Variants in USP34 observed in about 807,000 individuals in gnomAD.
The protein encoded by USP34 is ubiquitin specific peptidase 34.
A neutral mutation model predicts 460.3 loss-of-function variants in USP34; 70 were observed. That is an observed-to-expected ratio of 0.15 (90% CI 0.13 to 0.19). The LOEUF is 0.19. Among genes scored for constraint, USP34 ranks in the 10% least tolerant of loss-of-function variants. USP34 has a pLI of 1.00. For synonymous variants in USP34, 1,647 were observed against 1,405.3 expected, an observed-to-expected ratio of 1.17 and a Z score of -3.85; for missense variants, 3,985 against 4,236.2, an observed-to-expected ratio of 0.94 and a Z score of 1.65.
intron 15 of USP34, among the ~76,000 whole-genome samples, chr2:61,346,864 C>T (rs1691786108): frequency 1.4e-5 from 2 of 143,068 alleles, no homozygotes; most frequent in Non-Finnish European, 3.0e-5. Context: ...AAGGCCGGGC[C>T]TGGTGGCTCA....
At chr2:61,343,716 A>T in intron 16 of USP34, 99 bp downstream of exon 16, 1 of 1,264,908 alleles carries the variant, frequency 7.9e-7, no homozygotes, top group Non-Finnish European at 1.1e-6. Flanking sequence ...AAAAACATTT[A>T]AGTACCATAA....
chr2:61,421,310 G>A (rs1363524120), intron 1 of USP34, among the ~76,000 whole-genome samples: 2 of 152,132 alleles, frequency 1.3e-5, no homozygotes, highest in African/African-American at 4.8e-5. Flanking sequence ...CCTCTCAGAG[G>A]TATCAGCAGT....
intron 1 of USP34, among the ~76,000 whole-genome samples, chr2:61,451,565 C>T (rs1489181702): frequency 2.0e-5 from 3 of 151,842 alleles, no homozygotes; most frequent in African/African-American, 7.3e-5. Flanking sequence ...GCCTGCAATC[C>T]CAGCTACTCG....
intron 1 of USP34, among the ~76,000 whole-genome samples, chr2:61,432,379 G>C (rs753142149): frequency 9.2e-5 from 14 of 152,142 alleles, no homozygotes; most frequent in Non-Finnish European, 1.3e-4. Context: ...AGGAAGCTGA[G>C]GTGGGCAGAC....
intron 2 of USP34, among the ~76,000 whole-genome samples, chr2:61,416,635 A>G (rs1289804415): frequency 6.6e-6 from 1 of 152,192 alleles, no homozygotes; most frequent in Non-Finnish European, 1.5e-5. Context: ...GTCATACATG[A>G]TATTCCTTTG....
chr2:61,251,513 G>A (rs189387045), intron 48 of USP34, among the ~76,000 whole-genome samples: 10 of 152,242 alleles, frequency 6.6e-5, no homozygotes, highest in Admixed American at 4.6e-4. Flanking sequence ...CAGCTGTATC[G>A]TTTATATACG....
At chr2:61,454,488 G>T (rs7568346) in intron 1 of USP34, among the ~76,000 whole-genome samples, 1 of 152,116 alleles carries the variant, frequency 6.6e-6, no homozygotes, top group Non-Finnish European at 1.5e-5. Context: ...TGGATCCATG[G>T]AGTTATAGAG....
At chr2:61,220,897 G>C (rs1687562067) in intron 66 of USP34, among the ~76,000 whole-genome samples, 1 of 152,218 alleles carries the variant, frequency 6.6e-6, no homozygotes, top group African/African-American at 2.4e-5. Flanking sequence ...GGAATCTAGA[G>C]TGGGGGTTGG....
chr2:61,427,715 T>C (rs1205650269), intron 1 of USP34, among the ~76,000 whole-genome samples: 2 of 152,180 alleles, frequency 1.3e-5, no homozygotes, highest in Non-Finnish European at 2.9e-5. Flanking sequence ...TATTAGTCTT[T>C]TGCAGCAGAA....
intron 10 of USP34, among the ~76,000 whole-genome samples, chr2:61,363,900 A>G (rs924650624): frequency 3.3e-5 from 5 of 152,256 alleles, no homozygotes; most frequent in African/African-American, 1.2e-4. Context: ...TATGACATAG[A>G]TTATCACCAC....
chr2:61,235,445 C>T (rs976047350), intron 57 of USP34, among the ~76,000 whole-genome samples: 1 of 151,676 alleles, frequency 6.6e-6, no homozygotes, highest in African/African-American at 2.4e-5. Context: ...CCTGCCTCCG[C>T]CTCCCGAGGT....
At chr2:61,216,965 C>T (rs1249547530) in intron 67 of USP34, among the ~76,000 whole-genome samples, 2 of 150,780 alleles carry the variant, frequency 1.3e-5, no homozygotes, top group African/African-American at 4.9e-5. Context: ...TATATACTTT[C>T]ACCTCAACAT....
intron 1 of USP34, among the ~76,000 whole-genome samples, chr2:61,431,577 C>T (rs778219454): frequency 2.0e-5 from 3 of 152,250 alleles, no homozygotes; most frequent in South Asian, 4.1e-4. Context: ...AGAGGCTGGC[C>T]GGGCGTGGTG....
intron 1 of USP34, among the ~76,000 whole-genome samples, chr2:61,445,598 AAAG>A (rs1344236462): frequency 2.6e-5 from 4 of 152,058 alleles, no homozygotes; most frequent in Admixed American, 1.3e-4. Flanking sequence ...GAGACACAAA[AAAG>A]AAGAGCAACA....
In USP34 at chr2:61,331,377, CCAAATAAAAGAAAAAATAATTTT is replaced by C; in HGVS notation, c.2835-29_2835-7del. On this transcript the variant is annotated splice_region_variant and splice_polypyrimidine_tract_variant and intron_variant, in intron 19 of 79. Transcript: ENST00000398571. ...TCAGTTCTTTTTCTGCCCACCTGGC[CCAAATAAAAGAAAAAATAATTTT>C]AAAGTGGGCAGGGTAAGAGAATAAA... is the stretch of plus-strand genomic sequence containing the variant. 1 of 1,604,656 alleles carries C rather than the reference CCAAATAAAAGAAAAAATAATTTT, an allele frequency of 6.2e-7. No individual in the cohort carries two copies. The highest frequency in any genetic ancestry group is 2.2e-5 in the East Asian group (1 of 44,642).
At position 61,405,719 on chromosome 2, in the gene USP34, G is replaced by A; in HGVS notation, c.541C>T (p.Pro181Ser). The A allele has an allele frequency of 6.5e-7, 1 of 1,548,554 alleles. No homozygotes were observed. Among genetic ancestry groups the A allele is most frequent in the Non-Finnish European group, 8.7e-7 (1 of 1,152,624 alleles). The change falls in exon 3 of 80, where the codon CCT (proline) becomes TCT (serine). Residue 181 changes from proline to serine, a missense_variant. Coordinates refer to ENST00000398571, the MANE Select transcript of USP34 (RefSeq NM_014709.4). ...CCTATTTTACATACCTCAATAGTAGGGTGAGTATTATGCTTGTAAGCAGTA... is the reference window on the plus strand; with the variant it reads ...CCTATTTTACATACCTCAATAGTAGAGTGAGTATTATGCTTGTAAGCAGTA... ...LYTAYKHNTHPTIEDISTQES... is the reference protein window; with the variant it reads ...LYTAYKHNTHSTIEDISTQES...
intron 1 of USP34, among the ~76,000 whole-genome samples, chr2:61,455,238 G>C (rs1273429616): frequency 6.6e-6 from 1 of 151,774 alleles, no homozygotes; most frequent in African/African-American, 2.4e-5. Flanking sequence ...GAGTGCAGTG[G>C]TACGATCTCA....
chr2:61,444,078 A>G (rs764555968), intron 1 of USP34, among the ~76,000 whole-genome samples: 8 of 152,124 alleles, frequency 5.3e-5, no homozygotes, highest in Non-Finnish European at 1.0e-4. Flanking sequence ...CGGAGACTTC[A>G]TTGCTAAAAA....
chr2:61,221,117 G>A (rs112654882), intron 66 of USP34, among the ~76,000 whole-genome samples: 26 of 152,292 alleles, frequency 1.7e-4, no homozygotes, highest in Non-Finnish European at 2.4e-4. Flanking sequence ...CCCTGGTCTT[G>A]AGCTTTTCCA....
Sources: gnomAD v4.1 joint callset for allele counts (sites outside exome capture counted in the v4.1 genomes callset) on GRCh38, gnomAD v4.1.1 for gene constraint, MANE v1.5 for transcripts, NCBI Gene and HGNC (gene_info 2026-07-23, HGNC 2026-07-21) for gene names.